Variants in PTPRD observed in about 807,000 individuals in gnomAD.
The protein encoded by PTPRD is receptor-type tyrosine-protein phosphatase delta.
PTPRD carries 34 observed loss-of-function variants against 214.5 expected under a neutral mutation model. The ratio of observed to expected loss-of-function variants is 0.16; its 90% CI spans 0.12 to 0.21. The LOEUF (loss-of-function observed/expected upper bound fraction) is 0.21, where lower values mean the gene tolerates loss of function less well. Among genes scored for constraint, PTPRD ranks in the 10% least tolerant of loss-of-function variants. PTPRD has a pLI of 1.00. For missense variants in PTPRD, 2,545 were observed against 2,398.7 expected (o/e 1.06, Z -1.27); for synonymous variants, 1,128 against 845.7 (o/e 1.33, Z -5.79).
intron 37 of PTPRD, among the ~76,000 whole-genome samples, chr9:8,384,377 G>A (rs1314995227): frequency 6.6e-6 from 1 of 152,030 alleles, no homozygotes; most frequent in Non-Finnish European, 1.5e-5. Flanking sequence ...CAAAACTTGA[G>A]AGGATTTGGC....
chr9:8,492,611 G>A (rs2097172909), intron 27 of PTPRD, among the ~76,000 whole-genome samples: 2 of 96,352 alleles, frequency 2.1e-5, no homozygotes, highest in Non-Finnish European at 1.8e-5. Context: ...CACAGAAGGT[G>A]CTCAAAAAAA....
chr9:10,134,899 C>T (rs901679754), intron 3 of PTPRD, among the ~76,000 whole-genome samples: 11 of 152,026 alleles, frequency 7.2e-5, no homozygotes, highest in Non-Finnish European at 1.3e-4. Flanking sequence ...GCTGAAATGA[C>T]AGACATATAA....
chr9:8,934,464 A>ATAAATGT, intron 11 of PTPRD, among the ~76,000 whole-genome samples: 1 of 11,092 alleles, frequency 9.0e-5, no homozygotes, highest in Admixed American at 1.7e-3. Flanking sequence ...TATATATATA[A>ATAAATGT]ATATATATAT....
At chr9:10,277,861 T>C (rs1399058981) in intron 3 of PTPRD, among the ~76,000 whole-genome samples, 3 of 151,920 alleles carry the variant, frequency 2.0e-5, no homozygotes, top group Non-Finnish European at 2.9e-5. Flanking sequence ...AGGGATACTT[T>C]AAAAGAGTGC....
At chr9:9,370,776 G>C (rs1569567766) in intron 9 of PTPRD, among the ~76,000 whole-genome samples, 1 of 152,070 alleles carries the variant, frequency 6.6e-6, no homozygotes, top group Non-Finnish European at 1.5e-5. Flanking sequence ...ATTATTTTGA[G>C]ATACGTCCCA....
Position 10,228,087 on chromosome 9 carries a change from C to G in PTPRD, c.-545+112876G>C, listed in dbSNP as rs975799305. 3.3e-5 allele frequency among the ~76,000 whole-genome samples: 5 copies of G among 151,824 alleles called. No individual in the cohort carries two copies. In the East Asian group the frequency reaches 9.7e-4, roughly 29 times the overall value. On this transcript the variant is annotated intron_variant, in intron 3 of 45. Transcript: ENST00000381196. The stretch of plus-strand genomic sequence containing the variant: ...TGATTAAAAGAGATTTTGGATACCT[C>G]AAAATTTAGCTACTTAAAACTTTAA...
At chr9:10,523,058 T>C (rs982652663) in intron 2 of PTPRD, among the ~76,000 whole-genome samples, 1 of 152,074 alleles carries the variant, frequency 6.6e-6, no homozygotes, top group African/African-American at 2.4e-5. Context: ...TTCACGTTTG[T>C]TGGATGTATA....
intron 8 of PTPRD, among the ~76,000 whole-genome samples, chr9:9,523,658 G>T (rs2097048766): frequency 6.6e-6 from 1 of 152,068 alleles, no homozygotes; most frequent in Admixed American, 6.5e-5. Flanking sequence ...GCTGTTTTCA[G>T]TTCGACTCAT....
chr9:8,507,512 T>A (rs2097566578), intron 21 of PTPRD, 78 bp from the exon 22 acceptor site: 1 of 1,569,766 alleles, frequency 6.4e-7, no homozygotes, highest in East Asian at 2.2e-5. Flanking sequence ...CGTAACCTGC[T>A]TAAACCTTTC....
chr9:8,848,313 CTTTTTT>C lies in PTPRD; in HGVS notation c.-103-114373_-103-114368del, dbSNP rs371491854. 4.3e-3 allele frequency among the ~76,000 whole-genome samples: 577 copies of C among 132,662 alleles called. 2 individuals carry two copies. The highest frequency in any genetic ancestry group is 0.011 in the African/African-American group (397 of 35,696). 87.0% of individuals were successfully genotyped at this position (132,662 alleles called of 152,430 possible). The stretch of plus-strand genomic sequence containing the variant: ...TACTTATTAATGCTTAAGATTTTTC[CTTTTTT>C]TTTTTTTTTTTTTTTTTTTAGTTTT... On this transcript the variant is annotated intron_variant, in intron 11 of 45. Coordinates refer to ENST00000381196, the MANE Select transcript of PTPRD (RefSeq NM_002839.4).
intron 9 of PTPRD, among the ~76,000 whole-genome samples, chr9:9,315,339 G>T (rs887224700): frequency 6.6e-6 from 1 of 151,914 alleles, no homozygotes; most frequent in Non-Finnish European, 1.5e-5. Context: ...TTCTGTATGT[G>T]TGTATGTATA....
chr9:10,369,605 T>C (rs1055789596), intron 2 of PTPRD, among the ~76,000 whole-genome samples: 3 of 152,058 alleles, frequency 2.0e-5, no homozygotes, highest in Non-Finnish European at 2.9e-5. Context: ...AAGGAAAAAA[T>C]TCCTCTTCTA....
chr9:8,486,465 C>T, intron 27 of PTPRD, 116 bp from the exon 28 acceptor site: 1 of 902,746 alleles, frequency 1.1e-6, no homozygotes, highest in Non-Finnish European at 1.8e-6. Context: ...CTTACCAAAA[C>T]AAAACAAAAC....
chr9:8,560,662 C>A (rs1460179988), intron 14 of PTPRD, among the ~76,000 whole-genome samples: 9 of 152,174 alleles, frequency 5.9e-5, no homozygotes, highest in Middle Eastern at 3.4e-3. Context: ...AGTTATCTTC[C>A]CACACCCAAC....
intron 12 of PTPRD, among the ~76,000 whole-genome samples, chr9:8,702,360 T>A (rs1284679306): frequency 6.6e-6 from 1 of 152,166 alleles, no homozygotes. Flanking sequence ...CTTTTTTTTA[T>A]ACTTCTTGCT....
intron 10 of PTPRD, among the ~76,000 whole-genome samples, chr9:9,160,592 T>A (rs1278896629): frequency 1.3e-5 from 2 of 152,082 alleles, no homozygotes; most frequent in Non-Finnish European, 2.9e-5. Flanking sequence ...AAATATAAAT[T>A]AGTACTGCCA....
At chr9:8,459,941 A>T (rs556592575) in intron 33 of PTPRD, among the ~76,000 whole-genome samples, 1 of 152,028 alleles carries the variant, frequency 6.6e-6, no homozygotes, top group Non-Finnish European at 1.5e-5. Context: ...CTTTTGCTAA[A>T]TTTTGAGAAA....
intron 4 of PTPRD, among the ~76,000 whole-genome samples, chr9:9,983,318 C>G (rs2095606482): frequency 6.6e-6 from 1 of 152,212 alleles, no homozygotes; most frequent in Non-Finnish European, 1.5e-5. Flanking sequence ...TTCTTGGAAT[C>G]TTAGTGCAGA....
At chr9:9,348,027 A>G (rs1406461623) in intron 9 of PTPRD, among the ~76,000 whole-genome samples, 1 of 152,174 alleles carries the variant, frequency 6.6e-6, no homozygotes, top group Non-Finnish European at 1.5e-5. Context: ...TTTAGTATGC[A>G]TATTCATCTA....
Sources: allele counts gnomAD v4.1 joint callset (sites outside exome capture counted in the v4.1 genomes callset), GRCh38; gene constraint gnomAD v4.1.1; transcripts MANE v1.5; gene names NCBI Gene and HGNC (gene_info 2026-07-23, HGNC 2026-07-21).